The following RAB5A variants were observed in gnomAD, a reference collection of about 807,000 sequenced individuals.
RAB5A encodes RAB5A, member RAS oncogene family, also known as ras-related protein Rab-5A.
A neutral mutation model predicts 25.7 loss-of-function variants in RAB5A; 8 were observed. That is an observed-to-expected ratio of 0.31 (90% CI 0.18 to 0.56). The LOEUF is 0.56. Ranked by LOEUF, RAB5A falls within the 20% of genes least tolerant of loss-of-function variation. The pLI is 0.91. For missense variants in RAB5A, 192 were observed against 259.7 expected (o/e 0.74, Z 1.79); for synonymous variants, 98 against 89.8 (o/e 1.09, Z -0.52).
At chr3:19,979,074 T>C (rs1338386551) in intron 5 of RAB5A, among the ~76,000 whole-genome samples, 2 of 152,080 alleles carry the variant, frequency 1.3e-5, no homozygotes. Context: ...CTTCCCGGAT[T>C]CAAGCGGTTC....
intron 5 of RAB5A, among the ~76,000 whole-genome samples, chr3:19,979,433 A>G (rs1696880729): frequency 6.7e-6 from 1 of 149,326 alleles, no homozygotes; most frequent in Admixed American, 6.7e-5. Flanking sequence ...ACAGGCACCC[A>G]CCACCATGCC....
chr3:19,954,413 G>A (rs1696469041), intron 2 of RAB5A, among the ~76,000 whole-genome samples: 1 of 152,144 alleles, frequency 6.6e-6, no homozygotes, highest in African/African-American at 2.4e-5. Flanking sequence ...TGTGTTCGAA[G>A]GTGGATATCA....
intron 2 of RAB5A, among the ~76,000 whole-genome samples, chr3:19,964,409 T>C (rs1264869258): frequency 6.6e-6 from 1 of 152,152 alleles, no homozygotes; most frequent in Non-Finnish European, 1.5e-5. Flanking sequence ...GTTTTTGTAA[T>C]GTGTTCTTTC....
intron 2 of RAB5A, among the ~76,000 whole-genome samples, chr3:19,967,115 G>A (rs930056965): frequency 1.3e-5 from 2 of 151,572 alleles, no homozygotes; most frequent in Admixed American, 6.6e-5. Context: ...GTGTATATCC[G>A]TTGGATCAAT....
At chr3:19,952,982 T>C (rs1191403773) in intron 2 of RAB5A, among the ~76,000 whole-genome samples, 1 of 152,170 alleles carries the variant, frequency 6.6e-6, no homozygotes, top group African/African-American at 2.4e-5. Context: ...CCAAAGTATA[T>C]GTGCATTCTG....
rs146206942 is a variant in RAB5A, at chr3:19,957,364, C to G, written c.163+6303C>G. Reference sequence around the variant, plus strand: ...GAAAACTGCTAAATTCTTAAATGTCCTCACCATTAAAAAATAGTAAGTGCC... The same window carrying G: ...GAAAACTGCTAAATTCTTAAATGTCGTCACCATTAAAAAATAGTAAGTGCC... On this transcript the variant is annotated intron_variant, in intron 2 of 5. Coordinates refer to ENST00000273047, the MANE Select transcript of RAB5A (RefSeq NM_004162.5). Among the ~76,000 whole-genome samples, 1,351 of 151,942 alleles carry G rather than the reference C, an allele frequency of 8.9e-3. 8 individuals are homozygous for G. Among genetic ancestry groups the G allele is most frequent in the Non-Finnish European group, 0.012 (785 of 67,948 alleles).
chr3:19,957,757 G>T (rs555095645), intron 2 of RAB5A, among the ~76,000 whole-genome samples: 2 of 150,790 alleles, frequency 1.3e-5, no homozygotes. Flanking sequence ...GTAAGTAGGC[G>T]AGGTGATCAA....
intron 2 of RAB5A, among the ~76,000 whole-genome samples, chr3:19,956,981 G>T (rs1289322214): frequency 1.5e-5 from 2 of 136,448 alleles, no homozygotes; most frequent in South Asian, 2.3e-4. Flanking sequence ...CTGCTCTGTT[G>T]CCCAGGCTGG....
intron 5 of RAB5A, among the ~76,000 whole-genome samples, chr3:19,981,439 C>T (rs1040953933): frequency 6.6e-6 from 1 of 152,014 alleles, no homozygotes; most frequent in African/African-American, 2.4e-5. Flanking sequence ...CATGTCGAAA[C>T]CCCGTCTCTA....
intron 2 of RAB5A, among the ~76,000 whole-genome samples, chr3:19,969,031 G>GTTTTTTT (rs1162365486): frequency 1.0e-5 from 1 of 99,700 alleles, no homozygotes; most frequent in Admixed American, 9.8e-5. Context: ...TTTGGTTTTG[G>GTTTTTTT]TTTTTTTTTT....
intron 5 of RAB5A, 116 bp downstream of exon 5, chr3:19,978,519 A>ATG (rs762375336): frequency 4.4e-5 from 29 of 652,590 alleles, no homozygotes; most frequent in Non-Finnish European, 6.1e-5. Context: ...GTGTATGTTT[A>ATG]TGTGTGTGTG....
In RAB5A at chr3:19,983,903, C is replaced by T. The variant is rs1696981576; in HGVS notation, c.*80C>T. The T allele has an allele frequency of 4.4e-6, 4 of 911,590 alleles. No individual in the cohort carries two copies. The highest frequency in any genetic ancestry group is 4.4e-4 in the Middle Eastern group (2 of 4,590). The allele number at this position is 911,590 out of a possible 1,614,324, so 56.5% of individuals were successfully genotyped here. A position where few individuals can be genotyped will look rare whatever the true frequency, so the allele number is the denominator to read the frequency against. On this transcript the variant is annotated 3_prime_UTR_variant, in exon 6 of 6. Coordinates refer to ENST00000273047, the MANE Select transcript of RAB5A (RefSeq NM_004162.5). ...ATGGAATTGGAGCATTTAACCAGCC[C>T]AGTATGACTTCCAAAAGAAGAGACT...
At chr3:19,968,524 T>A (rs1696691993) in intron 2 of RAB5A, among the ~76,000 whole-genome samples, 1 of 152,232 alleles carries the variant, frequency 6.6e-6, no homozygotes, top group Non-Finnish European at 1.5e-5. Context: ...AGTGGCATAA[T>A]CTCAGCTCAC....
chr3:19,953,286 T>C (rs987566257), intron 2 of RAB5A, among the ~76,000 whole-genome samples: 3 of 152,168 alleles, frequency 2.0e-5, no homozygotes, highest in African/African-American at 7.2e-5. Flanking sequence ...CTATATAATC[T>C]CCATGTAACA....
At position 19,984,276 on chromosome 3, in the gene RAB5A, A is replaced by T. The variant is rs1321690735; in HGVS notation, c.*453A>T. ...GATGCTTAGCCATAGTATTCAGGCA[A>T]ATGTTCATTTCTCCTGGTACCTGTA... On this transcript the variant is annotated 3_prime_UTR_variant, in exon 6 of 6. Coordinates refer to ENST00000273047, the MANE Select transcript of RAB5A (RefSeq NM_004162.5). The T allele has an allele frequency of 2.3e-6, 1 of 429,934 alleles. No homozygotes were observed. Among genetic ancestry groups the T allele is most frequent in the Non-Finnish European group, 4.5e-6 (1 of 220,138 alleles). 26.6% of individuals were successfully genotyped at this position (429,934 alleles called of 1,614,324 possible). A position where few individuals can be genotyped will look rare whatever the true frequency, so the allele number is the denominator to read the frequency against.
chr3:19,974,789 G>C (rs1279514831), intron 2 of RAB5A, among the ~76,000 whole-genome samples: 1 of 151,930 alleles, frequency 6.6e-6, no homozygotes, highest in East Asian at 1.9e-4. Context: ...GGACTAAATT[G>C]CCAGTGTGCG....
intron 2 of RAB5A, among the ~76,000 whole-genome samples, chr3:19,969,085 C>T (rs113286229): frequency 0.026 from 3,222 of 126,122 alleles, 57 homozygotes; most frequent in Middle Eastern, 0.11. Flanking sequence ...ACTCTTGTTG[C>T]CCAGACTGGG....
chr3:19,967,571 C>T (rs1575072787), intron 2 of RAB5A, among the ~76,000 whole-genome samples: 1 of 152,196 alleles, frequency 6.6e-6, no homozygotes, highest in South Asian at 2.1e-4. Context: ...TGTAGATAAA[C>T]TAGTATAGAT....
intron 2 of RAB5A, among the ~76,000 whole-genome samples, chr3:19,969,362 A>T (rs1265940042): frequency 2.0e-5 from 3 of 151,902 alleles, no homozygotes; most frequent in Non-Finnish European, 4.4e-5. Context: ...TTTTTTCATT[A>T]TGCTAATTTA....
Sources: gnomAD v4.1 joint callset for allele counts (sites outside exome capture counted in the v4.1 genomes callset) on GRCh38, gnomAD v4.1.1 for gene constraint, MANE v1.5 for transcripts, NCBI Gene and HGNC (gene_info 2026-07-23, HGNC 2026-07-21) for gene names.